Variants in CPA6 observed in about 807,000 individuals in gnomAD.
CPA6 encodes carboxypeptidase B.
Under a neutral mutation model 63.3 loss-of-function variants are expected in CPA6, and 58 were observed. The ratio of observed to expected loss-of-function variants is 0.92; its 90% CI spans 0.74 to 1.14. CPA6 has a LOEUF of 1.14. Among genes scored for constraint, CPA6 ranks in the 50% most tolerant of loss-of-function variants. The probability of loss-of-function intolerance (pLI) is 0.00; values close to 1 mark genes in which losing one functional copy is unlikely to be tolerated. For synonymous variants in CPA6, 185 were observed against 179.0 expected, an observed-to-expected ratio of 1.03 and a Z score of -0.27; for missense variants, 565 against 526.6, an observed-to-expected ratio of 1.07 and a Z score of -0.71.
chr8:67,425,524 A>G (rs1387922614), intron 10 of CPA6, among the ~76,000 whole-genome samples: 1 of 151,938 alleles, frequency 6.6e-6, no homozygotes, highest in Non-Finnish European at 1.5e-5. Flanking sequence ...ACAGGCGCAC[A>G]CCGCCATGCC....
chr8:67,469,740 T>C (rs1811013131), intron 8 of CPA6, among the ~76,000 whole-genome samples: 1 of 152,232 alleles, frequency 6.6e-6, no homozygotes. Context: ...ACCCTGTAGA[T>C]TTTGGACTTG....
At chr8:67,555,715 T>C (rs1256557607) in intron 2 of CPA6, among the ~76,000 whole-genome samples, 3 of 152,174 alleles carry the variant, frequency 2.0e-5, no homozygotes, top group Non-Finnish European at 4.4e-5. Context: ...ATTGCAGGAC[T>C]GAGCCCTTAA....
At chr8:67,480,479 A>G (rs796535729) in intron 8 of CPA6, among the ~76,000 whole-genome samples, 3 of 152,270 alleles carry the variant, frequency 2.0e-5, no homozygotes, top group African/African-American at 4.8e-5. Context: ...TTAAGTATCT[A>G]TGCTGCAGAA....
At chr8:67,685,934 C>G (rs1190945316) in intron 1 of CPA6, among the ~76,000 whole-genome samples, 1 of 152,210 alleles carries the variant, frequency 6.6e-6, no homozygotes, top group Non-Finnish European at 1.5e-5. Flanking sequence ...CCCAACCACA[C>G]TCTCTAAGAC....
At chr8:67,427,270 C>T (rs1206289078) in intron 10 of CPA6, among the ~76,000 whole-genome samples, 3 of 152,114 alleles carry the variant, frequency 2.0e-5, no homozygotes, top group African/African-American at 4.8e-5. Context: ...AGTGACTCCC[C>T]TAGAAAATTT....
chr8:67,619,684 T>C (rs1287642227), intron 2 of CPA6, among the ~76,000 whole-genome samples: 3 of 152,192 alleles, frequency 2.0e-5, no homozygotes. Context: ...TCCAGCAGAA[T>C]AGCTGACACC....
At chr8:67,451,367 A>T (rs1587440581) in intron 8 of CPA6, among the ~76,000 whole-genome samples, 1 of 152,122 alleles carries the variant, frequency 6.6e-6, no homozygotes, top group Admixed American at 6.6e-5. Context: ...CATGCAGGGG[A>T]TCTAGGTTGT....
rs576096819 is a variant in CPA6 at position 67,624,063 on chromosome 8, C to T, written c.192+113G>A. The stretch of plus-strand genomic sequence containing the variant: ...AATAAAAGCTCTTTCAAGTTATCTC[C>T]TTAGCCTTTACTTTCTTGGCTAATA... On this transcript the variant is annotated intron_variant, in intron 2 of 10. Transcript: ENST00000297770. 6.1e-6 allele frequency: 4 copies of T among 657,772 alleles called. No individual in the cohort carries two copies. The Admixed American group carries it at 1.2e-4, about 19-fold the overall frequency. The allele number at this position is 657,772 out of a possible 1,614,324, so 40.7% of individuals were successfully genotyped here. A position where few individuals can be genotyped will look rare whatever the true frequency, so the allele number is the denominator to read the frequency against.
chr8:67,529,336 T>A (rs1812428735), intron 2 of CPA6, among the ~76,000 whole-genome samples: 1 of 152,090 alleles, frequency 6.6e-6, no homozygotes, highest in African/African-American at 2.4e-5. Flanking sequence ...TCACAGAGAA[T>A]TTAAACCTAA....
Position 67,521,742 on chromosome 8 carries a change from C to T in CPA6, c.193-3695G>A, listed in dbSNP as rs144900596. Among the ~76,000 whole-genome samples the T allele has an allele frequency of 4.5e-3, 685 of 152,220 alleles. 5 individuals carry two copies. Among genetic ancestry groups the T allele is most frequent in the South Asian group, 0.026 (124 of 4,818 alleles). ...ATGGGGGCAGGAAGCAATAAATAAA[C>T]GAAAAATATAAACAGTTGCAGGAAA... On this transcript the variant is annotated intron_variant, in intron 2 of 10. Transcript: ENST00000297770.
intron 2 of CPA6, among the ~76,000 whole-genome samples, chr8:67,530,444 A>T (rs1177706328): frequency 6.6e-6 from 1 of 152,216 alleles, no homozygotes; most frequent in Non-Finnish European, 1.5e-5. Context: ...AGGAGTAACG[A>T]CAAACTAGTC....
intron 1 of CPA6, among the ~76,000 whole-genome samples, chr8:67,722,671 CT>C (rs1244326182): frequency 2.0e-5 from 3 of 152,006 alleles, no homozygotes. Flanking sequence ...AAAGATTATC[CT>C]TTTGCCCTAT....
chr8:67,573,824 A>G (rs2128976865), intron 2 of CPA6, among the ~76,000 whole-genome samples: 1 of 137,788 alleles, frequency 7.3e-6, no homozygotes, highest in Admixed American at 7.9e-5. Context: ...CCCGGGAGGC[A>G]GAGCTTGCAG....
chr8:67,455,559 G>GA (rs889375295), intron 8 of CPA6, among the ~76,000 whole-genome samples: 5 of 137,086 alleles, frequency 3.6e-5, no homozygotes, highest in East Asian at 2.2e-4. Context: ...GTGTAGCATA[G>GA]AAAAAAAAAG....
At chr8:67,605,079 C>CT (rs1409714366) in intron 2 of CPA6, among the ~76,000 whole-genome samples, 3 of 99,074 alleles carry the variant, frequency 3.0e-5, no homozygotes, top group African/African-American at 1.8e-4. Context: ...TGCCCAGCCA[C>CT]GTTTTTTTTT....
intron 2 of CPA6, among the ~76,000 whole-genome samples, chr8:67,538,590 T>C (rs1812639118): frequency 6.6e-6 from 1 of 150,722 alleles, no homozygotes; most frequent in Non-Finnish European, 1.5e-5. Context: ...CCTGTGTGTA[T>C]CTTTGCACAT....
chr8:67,668,529 C>T (rs908177030), intron 1 of CPA6, among the ~76,000 whole-genome samples: 4 of 152,156 alleles, frequency 2.6e-5, no homozygotes, highest in Admixed American at 6.5e-5. Context: ...AATAGCTGCT[C>T]TCCAGTTACT....
chr8:67,705,742 T>C (rs1254200094), intron 1 of CPA6, among the ~76,000 whole-genome samples: 1 of 152,230 alleles, frequency 6.6e-6, no homozygotes, highest in Non-Finnish European at 1.5e-5. Flanking sequence ...GTTTAGAAAT[T>C]GCCCACATTT....
At chr8:67,568,587 G>A (rs1437238946) in intron 2 of CPA6, among the ~76,000 whole-genome samples, 2 of 152,124 alleles carry the variant, frequency 1.3e-5, no homozygotes, top group Admixed American at 6.5e-5. Flanking sequence ...GAACTCAGAG[G>A]CAGAACATTT....
Sources: gnomAD v4.1 joint callset for allele counts (sites outside exome capture counted in the v4.1 genomes callset) on GRCh38, gnomAD v4.1.1 for gene constraint, MANE v1.5 for transcripts, NCBI Gene and HGNC (gene_info 2026-07-23, HGNC 2026-07-21) for gene names.